Variants in TWIST2 observed in about 807,000 individuals in gnomAD.
TWIST2 encodes the protein twist family bHLH transcription factor 2, also known as twist-related protein 2.
In TWIST2, 1 loss-of-function variant was observed where a neutral mutation model predicts 11.6. The ratio of observed to expected loss-of-function variants is 0.09; its 90% CI spans 0.03 to 0.41. The LOEUF is 0.41. Ranked by LOEUF, TWIST2 falls within the 10% of genes least tolerant of loss-of-function variation. The probability of loss-of-function intolerance (pLI) is 0.98; values close to 1 mark genes in which losing one functional copy is unlikely to be tolerated. For missense variants in TWIST2, 168 were observed against 226.4 expected, an observed-to-expected ratio of 0.74 and a Z score of 1.66; for synonymous variants, 87 against 96.6, an observed-to-expected ratio of 0.90 and a Z score of 0.58.
chr2:238,903,033 G>C (rs1693295815), intron 1 of TWIST2, among the ~76,000 whole-genome samples: 2 of 110,702 alleles, frequency 1.8e-5, no homozygotes, highest in African/African-American at 7.3e-5. Flanking sequence ...GGGTGTGTGT[G>C]ATGTGTGAGG....
intron 1 of TWIST2, among the ~76,000 whole-genome samples, chr2:238,882,340 C>A (rs1692951507): frequency 6.6e-6 from 1 of 152,204 alleles, no homozygotes; most frequent in African/African-American, 2.4e-5. Context: ...CCTGTGTTAA[C>A]TGGACCCAAA....
intron 1 of TWIST2, among the ~76,000 whole-genome samples, chr2:238,895,434 G>A (rs889880560): frequency 3.9e-5 from 6 of 152,248 alleles, no homozygotes; most frequent in African/African-American, 1.4e-4. Flanking sequence ...GGCGGTTCGT[G>A]TTCCATCATC....
chr2:238,870,344 C>A lies in TWIST2; in HGVS notation c.*35+21611C>A, dbSNP rs1299017193. On this transcript the variant is annotated intron_variant, in intron 1 of 1. Coordinates refer to ENST00000612363, the MANE Select transcript of TWIST2 (RefSeq NM_001271893.4). ...CCACACACCCCACACACCCCACACA[C>A]ACCACACACCCCACACACACACCAC... Among the ~76,000 whole-genome samples the A allele has an allele frequency of 5.5e-5, 6 of 109,328 alleles. 1 individual carries two copies. The highest frequency in any genetic ancestry group is 2.5e-4 in the East Asian group (1 of 3,966). The allele number at this position is 109,328 out of a possible 152,430, so 71.7% of individuals were successfully genotyped here. A position where few individuals can be genotyped will look rare whatever the true frequency, so the allele number is the denominator to read the frequency against.
intron 1 of TWIST2, among the ~76,000 whole-genome samples, chr2:238,902,615 ATGATGTGAGGTGTG>A (rs1180535049): frequency 7.0e-6 from 1 of 142,430 alleles, no homozygotes; most frequent in African/African-American, 2.6e-5. Context: ...TGAGTTGTGC[ATGATGTGAGGTGTG>A]TGATATGAGG....
In TWIST2 at chr2:238,866,643, C is replaced by G. The variant is rs771044170; in HGVS notation, c.*35+17910C>G. On this transcript the variant is annotated intron_variant, in intron 1 of 1. Coordinates refer to ENST00000612363, the MANE Select transcript of TWIST2 (RefSeq NM_001271893.4). This position sits in a 1 kb window ranked among gnomAD's most constrained non-coding sequence, Gnocchi z 4.9. The stretch of plus-strand genomic sequence containing the variant: ...CTGTACTCCAGCCTGGGTGACAGAG[C>G]GAGACTCCACCATGGAAAAAAAAAA... Among the ~76,000 whole-genome samples, 8 of 151,854 alleles carry G rather than the reference C, an allele frequency of 5.3e-5. No homozygotes were observed. Among genetic ancestry groups the G allele is most frequent in the Admixed American group, 6.5e-5 (1 of 15,270 alleles).
In TWIST2 at chr2:238,864,994, C is replaced by T. The variant is rs1464319650; in HGVS notation, c.*35+16261C>T. Among the ~76,000 whole-genome samples the T allele has an allele frequency of 6.6e-6, 1 of 152,182 alleles. No individual in the cohort carries two copies. The highest frequency in any genetic ancestry group is 2.4e-5 in the African/African-American group (1 of 41,456). On this transcript the variant is annotated intron_variant, in intron 1 of 1. Transcript: ENST00000612363. The surrounding 1 kb of genome is among the most constrained non-coding windows in gnomAD (Gnocchi z 4.7). ...GCCACCCGAGGGGCCTCTTCTCTCCCCCTGCAAACTGACATAAAGGGTTTG... is the reference window on the plus strand; with the variant it reads ...GCCACCCGAGGGGCCTCTTCTCTCCTCCTGCAAACTGACATAAAGGGTTTG...
Position 238,848,114 on chromosome 2 carries a change from T to G in TWIST2, c.-102T>G, listed in dbSNP as rs1692163952. ...AAGCCGGCCTTGAAATCAGAGCCTT[T>G]CCAGCAACTCCGAGAGCGTGTGCTC... On this transcript the variant is annotated 5_prime_UTR_variant, in exon 1 of 2. Coordinates refer to ENST00000612363, the MANE Select transcript of TWIST2 (RefSeq NM_001271893.4). 2.0e-6 allele frequency: 2 copies of G among 983,696 alleles called. No individual in the cohort carries two copies. The highest frequency in any genetic ancestry group is 1.3e-6 in the Non-Finnish European group (1 of 790,226). The allele number at this position is 983,696 out of a possible 1,614,324, so 60.9% of individuals were successfully genotyped here.
chr2:238,902,935 T>TG (rs1461821669), intron 1 of TWIST2, among the ~76,000 whole-genome samples: 25,442 of 28,550 alleles, frequency 0.89, 11,936 homozygotes, highest in East Asian at 0.92. Context: ...GTGTGTGATG[T>TG]GGGTGTTGTG....
At chr2:238,902,677 GGT>G (rs1158956694) in intron 1 of TWIST2, among the ~76,000 whole-genome samples, 16 of 145,400 alleles carry the variant, frequency 1.1e-4, no homozygotes, top group South Asian at 9.1e-4. Flanking sequence ...TGTGATGTGG[GGT>G]GTGTGTGATA....
chr2:238,848,824 C>A, intron 1 of TWIST2, 91 bp downstream of exon 1: 1 of 1,074,514 alleles, frequency 9.3e-7, no homozygotes, highest in Non-Finnish European at 1.2e-6. Context: ...GTCTCCTCGG[C>A]GAGGCCCCGC....
intron 1 of TWIST2, among the ~76,000 whole-genome samples, chr2:238,889,022 C>CTTGGACAGACTCA (rs1693086550): frequency 6.6e-6 from 1 of 152,154 alleles, no homozygotes; most frequent in South Asian, 2.1e-4. Flanking sequence ...CAGTGTCATC[C>CTTGGACAGACTCA]TTGGGTCTGT....
Position 238,905,964 on chromosome 2 carries a change from C to T in TWIST2, c.*36-3878C>T, listed in dbSNP as rs1490952340. Among the ~76,000 whole-genome samples, 27 of 115,446 alleles carry T rather than the reference C, an allele frequency of 2.3e-4. No homozygotes were observed. In the South Asian group the frequency reaches 2.7e-3, roughly 12 times the overall value. 75.7% of individuals were successfully genotyped at this position (115,446 alleles called of 152,430 possible). ...GTGTGCGCGCGCGTGTGTACGTGTGCGTGTGTGTGCGCGCGCGTGTACGTG... is the reference window on the plus strand; with the variant it reads ...GTGTGCGCGCGCGTGTGTACGTGTGTGTGTGTGTGCGCGCGCGTGTACGTG... On this transcript the variant is annotated intron_variant, in intron 1 of 1. Coordinates refer to ENST00000612363, the MANE Select transcript of TWIST2 (RefSeq NM_001271893.4).
intron 1 of TWIST2, among the ~76,000 whole-genome samples, chr2:238,856,880 G>A (rs1354841899): frequency 6.6e-6 from 1 of 152,216 alleles, no homozygotes; most frequent in African/African-American, 2.4e-5. Flanking sequence ...GGCCGCTGCA[G>A]ACACAGTCAC....
At chr2:238,899,181 G>A (rs1036211531) in intron 1 of TWIST2, among the ~76,000 whole-genome samples, 11 of 152,244 alleles carry the variant, frequency 7.2e-5, no homozygotes, top group African/African-American at 2.4e-4. Flanking sequence ...TGGTCTGCAC[G>A]GTCCCCGCAT....
Position 238,848,476 on chromosome 2 carries a change from G to C in TWIST2, c.261G>C (p.Ala87=). Residue 87 remains alanine, a synonymous_variant, in exon 1 of 2, where the codon GCG becomes GCC. Coordinates refer to ENST00000612363, the MANE Select transcript of TWIST2 (RefSeq NM_001271893.4). ...QRTQSLNEAF[A]ALRKIIPTLP... ...CCCAGTCGCTCAACGAGGCCTTCGC[G>C]GCGCTGCGCAAGATCATCCCCACGC... 6.4e-7 allele frequency: 1 copy of C among 1,573,254 alleles called. No individual in the cohort carries two copies. Among genetic ancestry groups the C allele is most frequent in the Non-Finnish European group, 8.6e-7 (1 of 1,162,020 alleles).
intron 1 of TWIST2, among the ~76,000 whole-genome samples, chr2:238,868,319 G>GCCC: frequency 6.6e-6 from 1 of 152,302 alleles, no homozygotes; most frequent in South Asian, 2.1e-4. Flanking sequence ...AGTGCCGGGA[G>GCCC]CCCCCCGCCC....
intron 1 of TWIST2, among the ~76,000 whole-genome samples, chr2:238,854,636 A>G (rs889053169): frequency 2.6e-5 from 4 of 152,134 alleles, no homozygotes; most frequent in African/African-American, 9.7e-5. Flanking sequence ...CGTCGTTACT[A>G]CTGTTTTTCT....
At chr2:238,882,429 A>G (rs997673211) in intron 1 of TWIST2, among the ~76,000 whole-genome samples, 2 of 152,256 alleles carry the variant, frequency 1.3e-5, no homozygotes, top group Non-Finnish European at 2.9e-5. Flanking sequence ...CAGCCTGGAC[A>G]GAAATGCAAA....
intron 1 of TWIST2, among the ~76,000 whole-genome samples, chr2:238,895,180 T>A (rs1693192827): frequency 1.3e-5 from 2 of 152,224 alleles, no homozygotes; most frequent in Non-Finnish European, 2.9e-5. Context: ...AAAAGACATT[T>A]GTAAAGTTCA....
Sources: gnomAD v4.1 joint callset for allele counts (sites outside exome capture counted in the v4.1 genomes callset) on GRCh38, gnomAD v4.1.1 for gene constraint, Gnocchi (gnomAD v3.1) non-coding constraint, MANE v1.5 for transcripts, NCBI Gene and HGNC (gene_info 2026-07-23, HGNC 2026-07-21) for gene names.